The following KCND2 variants were observed in gnomAD, a reference collection of about 807,000 sequenced individuals.
KCND2 encodes A-type voltage-gated potassium channel KCND2.
KCND2 carries 16 observed loss-of-function variants against 54.4 expected under a neutral mutation model. The observed-to-expected ratio is 0.29, with a 90% confidence interval of 0.20 to 0.45. The LOEUF is 0.45. KCND2 is among the 20% of genes least tolerant of loss of function. The pLI, the probability that KCND2 is intolerant of heterozygous loss-of-function variation, is 1.00. For synonymous variants in KCND2, 317 were observed against 310.7 expected, an observed-to-expected ratio of 1.02 and a Z score of -0.21; for missense variants, 486 against 824.2, an observed-to-expected ratio of 0.59 and a Z score of 5.02.
chr7:120,515,914 G>A (rs1803190201), intron 1 of KCND2, among the ~76,000 whole-genome samples: 1 of 152,094 alleles, frequency 6.6e-6, no homozygotes, highest in Admixed American at 6.6e-5. Context: ...AGGTCTGATA[G>A]CACAAAACAA....
At chr7:120,577,743 G>A (rs985520392) in intron 1 of KCND2, among the ~76,000 whole-genome samples, 4 of 152,002 alleles carry the variant, frequency 2.6e-5, no homozygotes, top group South Asian at 2.1e-4. Context: ...CTGTCACCAC[G>A]CCCGGCTAAT....
At chr7:120,369,302 T>C (rs1800731797) in intron 1 of KCND2, among the ~76,000 whole-genome samples, 1 of 152,064 alleles carries the variant, frequency 6.6e-6, no homozygotes, top group Admixed American at 6.6e-5. Context: ...CTTCAGTTTA[T>C]TTTCAACTCT....
chr7:120,578,185 G>A (rs1792463980), intron 1 of KCND2, among the ~76,000 whole-genome samples: 2 of 152,110 alleles, frequency 1.3e-5, no homozygotes, highest in South Asian at 4.2e-4. Context: ...CTACTTAGGA[G>A]GCTAAGGTAG....
intron 2 of KCND2, among the ~76,000 whole-genome samples, chr7:120,740,146 T>C (rs1792922823): frequency 6.6e-6 from 1 of 152,028 alleles, no homozygotes; most frequent in African/African-American, 2.4e-5. Flanking sequence ...CATGTGAATA[T>C]ATCTACTTGC....
At chr7:120,667,317 G>C (rs1400300292) in intron 1 of KCND2, among the ~76,000 whole-genome samples, 3 of 152,024 alleles carry the variant, frequency 2.0e-5, no homozygotes, top group African/African-American at 7.2e-5. Context: ...CCAGAAAATT[G>C]TAGATACATG....
chr7:120,725,031 G>A (rs1281203632), intron 1 of KCND2, among the ~76,000 whole-genome samples: 1 of 152,006 alleles, frequency 6.6e-6, no homozygotes, highest in Admixed American at 6.6e-5. Flanking sequence ...AACCTTTAAA[G>A]CCTTGCCATA....
intron 1 of KCND2, among the ~76,000 whole-genome samples, chr7:120,406,351 T>G (rs1801357803): frequency 6.6e-6 from 1 of 152,054 alleles, no homozygotes; most frequent in Admixed American, 6.6e-5. Flanking sequence ...GAAATTTTCT[T>G]TCACTGCATT....
chr7:120,439,512 A>G (rs1462926740), intron 1 of KCND2, among the ~76,000 whole-genome samples: 2 of 152,088 alleles, frequency 1.3e-5, no homozygotes, highest in Non-Finnish European at 2.9e-5. Context: ...TATTGGGCAC[A>G]TTCAAAATCT....
At chr7:120,375,089 A>G (rs1019807962) in intron 1 of KCND2, among the ~76,000 whole-genome samples, 1 of 151,772 alleles carries the variant, frequency 6.6e-6, no homozygotes, top group African/African-American at 2.4e-5. Context: ...GGTACACAAT[A>G]CATGGTTTTG....
chr7:120,621,643 T>G (rs1451688683), intron 1 of KCND2, among the ~76,000 whole-genome samples: 4 of 152,216 alleles, frequency 2.6e-5, no homozygotes, highest in Non-Finnish European at 4.4e-5. Flanking sequence ...ATTAAATATC[T>G]GATTTTTTAA....
At chr7:120,422,687 C>T (rs140122060) in intron 1 of KCND2, among the ~76,000 whole-genome samples, 57 of 152,306 alleles carry the variant, frequency 3.7e-4, no homozygotes, top group African/African-American at 1.4e-3. Context: ...CTCCACCTCG[C>T]TCTGCTTTCT....
chr7:120,521,639 A>T (rs968284350), intron 1 of KCND2, among the ~76,000 whole-genome samples: 2 of 152,212 alleles, frequency 1.3e-5, no homozygotes, highest in Non-Finnish European at 2.9e-5. Context: ...CCCTTACCTC[A>T]TAGTGCTGTT....
chr7:120,742,414 G>A, intron 3 of KCND2, 96 bp from the exon 4 acceptor site: 1 of 965,850 alleles, frequency 1.0e-6, no homozygotes, highest in South Asian at 1.3e-5. Flanking sequence ...AATGTTGCCA[G>A]TTAATAGAGC....
intron 1 of KCND2, among the ~76,000 whole-genome samples, chr7:120,732,094 C>A (rs960820110): frequency 6.6e-6 from 1 of 152,064 alleles, no homozygotes; most frequent in East Asian, 1.9e-4. Flanking sequence ...TCAAGAGCAT[C>A]AGCTGCATAG....
chr7:120,534,108 C>T (rs1220060289), intron 1 of KCND2, among the ~76,000 whole-genome samples: 1 of 151,604 alleles, frequency 6.6e-6, no homozygotes, highest in Non-Finnish European at 1.5e-5. Flanking sequence ...ATACTCCCAC[C>T]TCAAAGAGGT....
In KCND2 at chr7:120,625,942, G is replaced by A. The variant is rs146035641; in HGVS notation, c.1116-106961G>A. 5.9e-3 allele frequency among the ~76,000 whole-genome samples: 901 copies of A among 152,050 alleles called. 15 individuals carry two copies. Among genetic ancestry groups the A allele is most frequent in the African/African-American group, 0.02 (849 of 41,526 alleles). On this transcript the variant is annotated intron_variant, in intron 1 of 5. Transcript: ENST00000331113. ...TTAAAGTACCTTCATAAAATTACTTGGGAAGAACATAATTTTAAATATGTA... is the reference window on the plus strand; with the variant it reads ...TTAAAGTACCTTCATAAAATTACTTAGGAAGAACATAATTTTAAATATGTA...
intron 1 of KCND2, among the ~76,000 whole-genome samples, chr7:120,614,956 A>C: frequency 6.6e-6 from 1 of 152,166 alleles, no homozygotes; most frequent in East Asian, 1.9e-4. Flanking sequence ...AACAACATAC[A>C]CTAACAATTT....
chr7:120,535,166 A>G (rs1398750339), intron 1 of KCND2, among the ~76,000 whole-genome samples: 1 of 152,160 alleles, frequency 6.6e-6, no homozygotes, highest in Non-Finnish European at 1.5e-5. Flanking sequence ...GCTACGGTTA[A>G]AGCATGACTT....
At chr7:120,364,165 A>G (rs1475124694) in intron 1 of KCND2, among the ~76,000 whole-genome samples, 3 of 152,146 alleles carry the variant, frequency 2.0e-5, no homozygotes, top group African/African-American at 7.2e-5. Flanking sequence ...TACTTTCACA[A>G]TTTCTAATCT....
Sources: gnomAD v4.1 joint callset for allele counts (sites outside exome capture counted in the v4.1 genomes callset) on GRCh38, gnomAD v4.1.1 for gene constraint, MANE v1.5 for transcripts, NCBI Gene and HGNC (gene_info 2026-07-23, HGNC 2026-07-21) for gene names.